Variants in PLXNA1 observed in about 807,000 individuals in gnomAD.
PLXNA1 encodes the protein plexin-A1.
In PLXNA1, 77 loss-of-function variants were observed where a neutral mutation model predicts 191.7. That is an observed-to-expected ratio of 0.40 (90% CI 0.33 to 0.49). PLXNA1 has a LOEUF of 0.49. Among genes scored for constraint, PLXNA1 ranks in the 20% least tolerant of loss-of-function variants. The pLI, the probability that PLXNA1 is intolerant of heterozygous loss-of-function variation, is 0.63. For missense variants in PLXNA1, 2,110 were observed against 2,660.2 expected (o/e 0.79, Z 4.55); for synonymous variants, 1,137 against 1,156.4 (o/e 0.98, Z 0.34).
At chr3:126,992,216 T>C (rs1210144652) in intron 3 of PLXNA1, among the ~76,000 whole-genome samples, 1 of 152,088 alleles carries the variant, frequency 6.6e-6, no homozygotes, top group Non-Finnish European at 1.5e-5. Context: ...GTGCAGAGCT[T>C]CCTGGAGGGT....
At position 126,989,332 on chromosome 3, in the gene PLXNA1, G is replaced by T; in HGVS notation, c.739G>T (p.Val247Leu). ...SKFPAFDIYY[V>L]YSFRSEQFVY... ...GTTCCCGGCCTTTGACATCTACTAT[G>T]TGTACAGCTTCCGCAGCGAGCAGTT... Residue 247 changes from valine (V) to leucine (L), a missense_variant, in exon 2 of 32, where the codon GTG becomes TTG. Physicochemically the swap from Val to Leu is conservative, Grantham distance 32. This residue lies in a region of PLXNA1 where 903 missense variants were observed against 1,015.7 expected (regional missense o/e 0.89). Transcript: ENST00000393409. 1 of 1,613,674 alleles carries T rather than the reference G, an allele frequency of 6.2e-7. No homozygotes were observed. The highest frequency in any genetic ancestry group is 8.5e-7 in the Non-Finnish European group (1 of 1,180,046).
intron 8 of PLXNA1, among the ~76,000 whole-genome samples, chr3:127,006,924 G>C (rs2079071180): frequency 6.6e-6 from 1 of 152,234 alleles, no homozygotes; most frequent in African/African-American, 2.4e-5. Context: ...GAGGCAGTAG[G>C]GTTTGGCCTC....
At chr3:127,030,112 C>T in intron 28 of PLXNA1, 48 bp downstream of exon 28, 2 of 1,599,336 alleles carry the variant, frequency 1.3e-6, no homozygotes, top group South Asian at 1.1e-5. Context: ...GCCAACTGAG[C>T]TCAGAGAAAG....
In PLXNA1 at chr3:127,017,967, C is replaced by T. The variant is rs912222950; in HGVS notation, c.3660+75C>T. ...GTGGACCCTGCCCCACTAGCACAGC[C>T]CCAGCTCTGACCTTGCCCGAGACTC... On this transcript the variant is annotated intron_variant, in intron 19 of 31. Coordinates refer to ENST00000393409, the MANE Select transcript of PLXNA1 (RefSeq NM_032242.4). 2.3e-5 allele frequency: 36 copies of T among 1,570,942 alleles called. No individual in the cohort carries two copies. The Admixed American group carries it at 2.9e-4, about 13-fold the overall frequency.
intron 23 of PLXNA1, among the ~76,000 whole-genome samples, chr3:127,025,811 T>G (rs1576689494): frequency 6.6e-6 from 1 of 152,222 alleles, no homozygotes; most frequent in Non-Finnish European, 1.5e-5. Flanking sequence ...AATGAGATAG[T>G]AGTCTGCCTT....
At chr3:127,023,052 G>A (rs2079159926) in intron 23 of PLXNA1, among the ~76,000 whole-genome samples, 1 of 152,212 alleles carries the variant, frequency 6.6e-6, no homozygotes, top group Non-Finnish European at 1.5e-5. Context: ...ACCAAGGTAG[G>A]TGTGGGAGTT....
At chr3:127,011,860 G>A in intron 9 of PLXNA1, 98 bp from the exon 10 acceptor site, 1 of 1,146,834 alleles carries the variant, frequency 8.7e-7, no homozygotes, top group African/African-American at 1.5e-5. Context: ...TGCTTGGCTG[G>A]GAGCACCACA....
intron 16 of PLXNA1, 64 bp from the exon 17 acceptor site, chr3:127,016,880 C>A: frequency 6.8e-7 from 1 of 1,468,710 alleles, no homozygotes; most frequent in South Asian, 1.2e-5. Flanking sequence ...AGCTGTGGCC[C>A]ACGTTTCCAG....
chr3:127,017,636 T>C lies in PLXNA1; in HGVS notation c.3488T>C (p.Leu1163Pro). 6.2e-7 allele frequency: 1 copy of C among 1,613,528 alleles called. No homozygotes were observed. Among genetic ancestry groups the C allele is most frequent in the Non-Finnish European group, 8.5e-7 (1 of 1,180,008 alleles). ...EPLSPTGLLE[L>P]KPSSPLILKG... ...CTCAGCCCCACTGGCCTGCTGGAGC[T>C]GAAGCCCAGCTCCCCACTCATCCTC... Residue 1163 changes from leucine (L) to proline (P), a missense_variant, in exon 18 of 32, where the codon CTG becomes CCG. By Grantham distance (98) the Leu-to-Pro change is moderately conservative. Around this residue, in one of 4 missense-constraint regions of PLXNA1, gnomAD observed 644 missense variants for 714.3 expected, o/e 0.90. Transcript: ENST00000393409.
Position 127,018,326 on chromosome 3 carries a change from G to A in PLXNA1, c.3693G>A (p.Gly1231=), listed in dbSNP as rs2079135760. ...VRAGGFEFSP[G]TLQVYSDSLL... is the part of the protein sequence containing the mutation. ...CAGGTGGCTTCGAGTTCTCGCCAGG[G>A]ACACTGCAGGTGTACTCGGACAGCC... is the stretch of plus-strand genomic sequence containing the variant. The change falls in exon 20 of 32, where the codon GGG becomes GGA. Residue 1231 remains glycine (G), a synonymous_variant. Coordinates refer to ENST00000393409, the MANE Select transcript of PLXNA1 (RefSeq NM_032242.4). 1 of 1,611,696 alleles carries A rather than the reference G, an allele frequency of 6.2e-7. No homozygotes were observed. Among genetic ancestry groups the A allele is most frequent in the Non-Finnish European group, 8.5e-7 (1 of 1,179,402 alleles).
chr3:127,000,269 C>T (rs1036704825), intron 3 of PLXNA1, among the ~76,000 whole-genome samples: 3 of 152,102 alleles, frequency 2.0e-5, no homozygotes, highest in African/African-American at 4.8e-5. Flanking sequence ...GCCTGTGGCC[C>T]GTTCCCATGC....
chr3:127,032,689 C>T lies in PLXNA1; in HGVS notation c.5448C>T (p.Tyr1816=), dbSNP rs1186906699. ...IPNYKSWVER[Y]YADIAKMPAI... ...CCACCTGGCCACTCACCTGCAGGTA[C>T]TATGCAGACATCGCCAAGATGCCAG... The change falls in exon 31 of 32, where the codon TAC becomes TAT. Residue 1816 remains tyrosine (Y), a synonymous_variant. Coordinates refer to ENST00000393409, the MANE Select transcript of PLXNA1 (RefSeq NM_032242.4). 1 of 1,613,062 alleles carries T rather than the reference C, an allele frequency of 6.2e-7. No homozygotes were observed. The highest frequency in any genetic ancestry group is 8.5e-7 in the Non-Finnish European group (1 of 1,179,948).
chr3:126,987,524 A>G (rs2078965253), intron 1 of PLXNA1, among the ~76,000 whole-genome samples: 3 of 152,072 alleles, frequency 2.0e-5, no homozygotes, highest in Admixed American at 2.0e-4. Flanking sequence ...GAGTGTGACC[A>G]GGAAGTGAGG....
chr3:126,988,314 T>G (rs1020863922), intron 1 of PLXNA1, among the ~76,000 whole-genome samples: 5 of 152,200 alleles, frequency 3.3e-5, no homozygotes, highest in African/African-American at 1.2e-4. Context: ...CCAGGTGTCC[T>G]GGGGATACCT....
chr3:126,993,274 T>C (rs753671963), intron 3 of PLXNA1, among the ~76,000 whole-genome samples: 12 of 152,256 alleles, frequency 7.9e-5, no homozygotes, highest in Admixed American at 2.0e-4. Flanking sequence ...TGCTTCTGGG[T>C]TGAGATTCTA....
rs147151879 is a variant in PLXNA1 at position 127,006,200 on chromosome 3, C to T, written c.1997+22C>T. The T allele has an allele frequency of 5.1e-5, 81 of 1,591,864 alleles. No individual in the cohort carries two copies. The East Asian group carries it at 1.5e-3, about 29-fold the overall frequency. On this transcript the variant is annotated intron_variant, in intron 8 of 31. Coordinates refer to ENST00000393409, the MANE Select transcript of PLXNA1 (RefSeq NM_032242.4). ...AGTCGTGAGTGTCTCTAGGCCCCTC[C>T]GCCCGCCTGGGCCTGGGCTACTTGC...
At chr3:127,032,270 TC>T in intron 29 of PLXNA1, 116 bp from the exon 30 acceptor site, 1 of 1,051,518 alleles carries the variant, frequency 9.5e-7, no homozygotes, top group Non-Finnish European at 1.4e-6. Context: ...GGGCCTCGTT[TC>T]CCCGTCTGCA....
In PLXNA1 at chr3:126,988,635, G is replaced by A; in HGVS notation, c.42G>A (p.Leu14=). The part of the protein sequence containing the change: ...PPRSLQVLLL[L]LLLLLLLPGM... ...GGAGCCTGCAGGTGCTCCTGCTGCT[G>A]CTGCTGTTGCTGCTGCTGCTGCCGG... Residue 14 remains leucine, a synonymous_variant, in exon 2 of 32, where the codon CTG becomes CTA. Coordinates refer to ENST00000393409, the MANE Select transcript of PLXNA1 (RefSeq NM_032242.4). 1 of 1,575,076 alleles carries A rather than the reference G, an allele frequency of 6.3e-7. No individual in the cohort carries two copies. Among genetic ancestry groups the A allele is most frequent in the South Asian group, 1.2e-5 (1 of 84,166 alleles).
chr3:126,985,301 G>T (rs1177120886), intron 1 of PLXNA1, among the ~76,000 whole-genome samples: 1 of 152,092 alleles, frequency 6.6e-6, no homozygotes, highest in Non-Finnish European at 1.5e-5. Context: ...CACGCAGACC[G>T]CGGGGTCTCT....
Sources: gnomAD v4.1 joint callset for allele counts (sites outside exome capture counted in the v4.1 genomes callset) on GRCh38, gnomAD v4.1.1 for gene constraint, gnomAD v4.1.1 regional missense constraint, MANE v1.5 for transcripts, NCBI Gene and HGNC (gene_info 2026-07-23, HGNC 2026-07-21) for gene names.